Variants in FEZ2 observed in about 807,000 individuals in gnomAD.
The protein encoded by FEZ2 is fasciculation and elongation protein zeta-2.
Under a neutral mutation model 40.4 loss-of-function variants are expected in FEZ2, and 51 were observed. That is an observed-to-expected ratio of 1.26 (90% CI 1.01 to 1.59). The LOEUF is 1.59. FEZ2 is among the 40% of genes most tolerant of loss of function. The pLI is 0.00. For missense variants in FEZ2, 640 were observed against 438.3 expected (o/e 1.46, Z -4.11); for synonymous variants, 242 against 172.0 (o/e 1.41, Z -3.18).
At chr2:36,575,721 T>C (rs555498471) in intron 5 of FEZ2, among the ~76,000 whole-genome samples, 1 of 152,202 alleles carries the variant, frequency 6.6e-6, no homozygotes, top group African/African-American at 2.4e-5. Flanking sequence ...TCTATTTTTT[T>C]TTTCACCACA....
intron 5 of FEZ2, among the ~76,000 whole-genome samples, chr2:36,559,991 G>A (rs186925095): frequency 2.6e-4 from 40 of 152,292 alleles, no homozygotes; most frequent in African/African-American, 8.4e-4. Context: ...TGATCTAGGC[G>A]TTCTTTTGCT....
intron 2 of FEZ2, among the ~76,000 whole-genome samples, chr2:36,584,386 T>C (rs1041234651): frequency 3.9e-5 from 6 of 152,206 alleles, no homozygotes; most frequent in Non-Finnish European, 7.3e-5. Context: ...CCACATCAAG[T>C]TTGTTTCCCT....
intron 4 of FEZ2, among the ~76,000 whole-genome samples, chr2:36,579,277 T>C (rs1288715103): frequency 6.6e-6 from 1 of 152,218 alleles, no homozygotes; most frequent in Non-Finnish European, 1.5e-5. Flanking sequence ...CTGGGATATC[T>C]CTGAACAGGA....
chr2:36,591,017 A>C lies in FEZ2; in HGVS notation c.267-6T>G. On this transcript the variant is annotated splice_polypyrimidine_tract_variant and splice_region_variant and intron_variant, in intron 1 of 7. Transcript: ENST00000405912. ...CTGTCAGGGCATTCCAAATCCTTAAAAAGAAGAAAGCTACAATCAATGAAA... is the reference window on the plus strand; with the variant it reads ...CTGTCAGGGCATTCCAAATCCTTAACAAGAAGAAAGCTACAATCAATGAAA... 1 of 1,526,822 alleles carries C rather than the reference A, an allele frequency of 6.5e-7. No homozygotes were observed. The highest frequency in any genetic ancestry group is 9.1e-7 in the Non-Finnish European group (1 of 1,100,848). 94.6% of individuals were successfully genotyped at this position (1,526,822 alleles called of 1,614,324 possible). A position where few individuals can be genotyped will look rare whatever the true frequency, so the allele number is the denominator to read the frequency against.
At chr2:36,587,540 A>G (rs1336178907) in intron 2 of FEZ2, among the ~76,000 whole-genome samples, 1 of 152,218 alleles carries the variant, frequency 6.6e-6, no homozygotes, top group East Asian at 1.9e-4. Context: ...AAGACATATC[A>G]AATTTAGAAG....
intron 1 of FEZ2, chr2:36,591,567 G>A (rs534873891): frequency 1.3e-5 from 2 of 152,804 alleles, no homozygotes; most frequent in East Asian, 1.9e-4. Context: ...CTCTCAATGT[G>A]AGAACAGGAT....
In FEZ2 at chr2:36,553,038, T is replaced by G; in HGVS notation, c.*125A>C. On this transcript the variant is annotated 3_prime_UTR_variant, in exon 8 of 8. Coordinates refer to ENST00000405912, the MANE Select transcript of FEZ2 (RefSeq NM_005102.3). The stretch of plus-strand genomic sequence containing the variant: ...AATTAGTGTAGTCAAGATCTGTTAA[T>G]ACTGAATCAAACCCAAGTTCAAATG... 1 of 744,020 alleles carries G rather than the reference T, an allele frequency of 1.3e-6. No individual in the cohort carries two copies. The allele number at this position is 744,020 out of a possible 1,614,324, so 46.1% of individuals were successfully genotyped here.
intron 7 of FEZ2, among the ~76,000 whole-genome samples, chr2:36,553,909 A>AT: frequency 6.6e-6 from 1 of 152,316 alleles, no homozygotes; most frequent in South Asian, 2.1e-4. Flanking sequence ...AGGAACAGTT[A>AT]ACCAGCTGTG....
At chr2:36,571,482 G>A (rs1415614537) in intron 5 of FEZ2, among the ~76,000 whole-genome samples, 1 of 151,904 alleles carries the variant, frequency 6.6e-6, no homozygotes, top group African/African-American at 2.4e-5. Context: ...CCAACTTGGT[G>A]AAACCCCATC....
rs1178826600 is a variant in FEZ2, at chr2:36,578,638, A to C, written c.862T>G (p.Ser288Ala). Reference sequence around the variant, plus strand: ...CTTCTCTCATTCTTCCCATTCTGAGAGCTGCCATTTTTTAGTTTCTTTTTC... The same window carrying C: ...CTTCTCTCATTCTTCCCATTCTGAGCGCTGCCATTTTTTAGTTTCTTTTTC... ...KKKKKLKNGS[S>A]QNGKNERSHM... Residue 288 changes from serine (S) to alanine (A), a missense_variant, in exon 5 of 8, where the codon TCT becomes GCT. Transcript: ENST00000405912. 1 of 1,613,504 alleles carries C rather than the reference A, an allele frequency of 6.2e-7. No homozygotes were observed.
intron 5 of FEZ2, chr2:36,560,809 A>G: frequency 6.2e-7 from 1 of 1,610,394 alleles, no homozygotes; most frequent in South Asian, 1.1e-5. Context: ...CTGAATTTCC[A>G]AAGGTGTGGC....
chr2:36,590,946 G>T lies in FEZ2; in HGVS notation c.332C>A (p.Thr111Asn), dbSNP rs1252928402. 1 of 1,612,832 alleles carries T rather than the reference G, an allele frequency of 6.2e-7. No homozygotes were observed. The highest frequency in any genetic ancestry group is 8.5e-7 in the Non-Finnish European group (1 of 1,178,780). Residue 111 changes from threonine to asparagine, a missense_variant, in exon 2 of 8, where the codon ACT becomes AAT. By Grantham distance (65) the Thr-to-Asn change is moderately conservative. Coordinates refer to ENST00000405912, the MANE Select transcript of FEZ2 (RefSeq NM_005102.3). ...VMPVDWKSSH[T>N]RTLHLLTLNL... ...CAGAGTAAGCAAGTGCAAGGTCCTA[G>T]TATGCGATGACTTCCAGTCTACAGG...
chr2:36,571,427 G>T (rs988363567), intron 5 of FEZ2, among the ~76,000 whole-genome samples: 17 of 149,510 alleles, frequency 1.1e-4, no homozygotes, highest in African/African-American at 4.2e-4. Flanking sequence ...TTGGGAGGCC[G>T]AGGTGGGCGG....
chr2:36,583,538 A>G lies in FEZ2; in HGVS notation c.376-69T>C, dbSNP rs990150654. The G allele has an allele frequency of 4.9e-6, 4 of 818,084 alleles. No homozygotes were observed. In the African/African-American group the frequency reaches 6.8e-5, roughly 14 times the overall value. 50.7% of individuals were successfully genotyped at this position (818,084 alleles called of 1,614,324 possible). A position where few individuals can be genotyped will look rare whatever the true frequency, so the allele number is the denominator to read the frequency against. ...CAAAACAAAGTTAACAGCTCTGAGT[A>G]AAAGAGGCTGCAGAGAAAAGCAACT... On this transcript the variant is annotated intron_variant, in intron 2 of 7. Transcript: ENST00000405912.
At position 36,578,710 on chromosome 2, in the gene FEZ2, T is replaced by A. The variant is rs780000294; in HGVS notation, c.790A>T (p.Ile264Phe). The A allele has an allele frequency of 6.8e-6, 11 of 1,613,902 alleles. No individual in the cohort carries two copies. In the African/African-American group the frequency reaches 1.3e-4, roughly 20 times the overall value. ...EVKNSFISVL[I>F]EVQNKQKEHK... ...TCTTTCTGTTTGTTTTGCACTTCAATAAGAACAGAAATAAAGCTGTTTTTC... is the reference window on the plus strand; with the variant it reads ...TCTTTCTGTTTGTTTTGCACTTCAAAAAGAACAGAAATAAAGCTGTTTTTC... The change falls in exon 5 of 8, where the codon ATT (isoleucine) becomes TTT (phenylalanine). Residue 264 changes from isoleucine to phenylalanine, a missense_variant. By Grantham distance (21) the Ile-to-Phe change is conservative. Transcript: ENST00000405912.
intron 5 of FEZ2, among the ~76,000 whole-genome samples, chr2:36,567,957 C>G (rs1573008506): frequency 6.6e-6 from 1 of 152,084 alleles, no homozygotes; most frequent in Non-Finnish European, 1.5e-5. Flanking sequence ...AAATAACACA[C>G]CCTTTTGGAA....
chr2:36,580,648 A>G (rs926878572), intron 4 of FEZ2, among the ~76,000 whole-genome samples: 1 of 152,264 alleles, frequency 6.6e-6, no homozygotes, highest in Non-Finnish European at 1.5e-5. Context: ...CAGGAATTGC[A>G]TTTGACAAAT....
In FEZ2 at chr2:36,578,277, T is replaced by C. The variant is rs147393635; in HGVS notation, c.903+320A>G. Among the ~76,000 whole-genome samples the C allele has an allele frequency of 3.3e-3, 496 of 152,380 alleles. 7 individuals are homozygous for C. Among genetic ancestry groups the C allele is most frequent in the African/African-American group, 0.011 (473 of 41,592 alleles). ...AATATACATAACCACTCTTCACATT[T>C]TGATGTGGTAAAAATGTTCACTTGC... On this transcript the variant is annotated intron_variant, in intron 5 of 7. Transcript: ENST00000405912.
At chr2:36,589,231 G>A (rs144404879) in intron 2 of FEZ2, among the ~76,000 whole-genome samples, 109 of 152,292 alleles carry the variant, frequency 7.2e-4, no homozygotes, top group African/African-American at 2.2e-3. Flanking sequence ...AGAAGGCAGT[G>A]GTAATTTTAG....
Sources: allele counts gnomAD v4.1 joint callset (sites outside exome capture counted in the v4.1 genomes callset), GRCh38; gene constraint gnomAD v4.1.1; transcripts MANE v1.5; gene names NCBI Gene and HGNC (gene_info 2026-07-23, HGNC 2026-07-21).